The following SLC25A14 variants were observed in gnomAD, a reference collection of about 807,000 sequenced individuals.
The protein encoded by SLC25A14 is solute carrier family 25 member 14.
In SLC25A14, 8 loss-of-function variants were observed where a neutral mutation model predicts 28.1. The observed-to-expected ratio is 0.28, with a 90% confidence interval of 0.17 to 0.51. SLC25A14 has a LOEUF of 0.51. Ranked by LOEUF, SLC25A14 falls within the 20% of genes least tolerant of loss-of-function variation. The pLI, the probability that SLC25A14 is intolerant of heterozygous loss-of-function variation, is 0.97. For synonymous variants in SLC25A14, 74 were observed against 90.6 expected, an observed-to-expected ratio of 0.82 and a Z score of 1.04; for missense variants, 135 against 263.8, an observed-to-expected ratio of 0.51 and a Z score of 3.38.
chrX:130,367,954 T>A (rs1001770879), intron 9 of SLC25A14, among the ~76,000 whole-genome samples: 18 of 112,521 alleles, frequency 1.6e-4, no homozygotes, highest in Non-Finnish European at 1.3e-4. Flanking sequence ...GGCTTATTTT[T>A]GTTTTTAGTA....
intron 7 of SLC25A14, among the ~76,000 whole-genome samples, chrX:130,362,938 A>G (rs1451238547): frequency 8.9e-6 from 1 of 112,195 alleles, no homozygotes; most frequent in Non-Finnish European, 1.9e-5. Context: ...AATTCTGTGA[A>G]TTAAACCTGA....
intron 2 of SLC25A14, among the ~76,000 whole-genome samples, chrX:130,341,973 A>G (rs1192334487): frequency 8.9e-6 from 1 of 112,036 alleles, no homozygotes; most frequent in East Asian, 2.8e-4. Flanking sequence ...TTCCTCTGCA[A>G]TCTTTTATAT....
intron 2 of SLC25A14, among the ~76,000 whole-genome samples, chrX:130,344,386 T>C (rs2033359883): frequency 9.1e-6 from 1 of 109,867 alleles, no homozygotes; most frequent in African/African-American, 3.3e-5. Context: ...AAAAAGAGAG[T>C]AAAGCTGAAA....
In SLC25A14 at chrX:130,343,018, C is replaced by A. The variant is rs185567134; in HGVS notation, c.76-2164C>A. 1.7e-4 allele frequency among the ~76,000 whole-genome samples: 19 copies of A among 111,444 alleles called. No individual in the cohort carries two copies. In the East Asian group the frequency reaches 5.0e-3, roughly 30 times the overall value. On this transcript the variant is annotated intron_variant, in intron 2 of 10. Coordinates refer to ENST00000545805, the MANE Select transcript of SLC25A14 (RefSeq NM_001282195.2). ...CCTGCCATGTCCTCCCTGTTCCTTG[C>A]CTTTCACTGATTCATCATTGCTCCC... is the stretch of plus-strand genomic sequence containing the variant.
chrX:130,347,810 T>C (rs908289976), intron 4 of SLC25A14, among the ~76,000 whole-genome samples: 2 of 111,926 alleles, frequency 1.8e-5, no homozygotes, highest in African/African-American at 6.5e-5. Context: ...TCTGTGGTTT[T>C]CCTTTTTTGT....
At chrX:130,349,186 T>C in intron 4 of SLC25A14, 65 bp from the exon 5 acceptor site, 1 of 669,264 alleles carries the variant, frequency 1.5e-6, no homozygotes, top group Admixed American at 3.1e-5. Context: ...TCCAAATAAG[T>C]AGGCTATCTA....
intron 7 of SLC25A14, among the ~76,000 whole-genome samples, chrX:130,362,048 A>C (rs1307465394): frequency 9.0e-6 from 1 of 111,093 alleles, no homozygotes; most frequent in Non-Finnish European, 1.9e-5. Context: ...TCGGCTAGCC[A>C]GCCATATCAG....
chrX:130,344,922 A>G (rs1272502801), intron 2 of SLC25A14, among the ~76,000 whole-genome samples: 1 of 111,491 alleles, frequency 9.0e-6, no homozygotes, highest in African/African-American at 3.3e-5. Flanking sequence ...ATATAACATT[A>G]AAGAAACTGG....
chrX:130,356,865 C>T (rs1364331350), intron 6 of SLC25A14, among the ~76,000 whole-genome samples: 3 of 111,832 alleles, frequency 2.7e-5, no homozygotes, highest in Non-Finnish European at 5.6e-5. Context: ...CCTTTCCCCA[C>T]CATTCCTTTT....
intron 2 of SLC25A14, among the ~76,000 whole-genome samples, chrX:130,342,172 T>A (rs918783235): frequency 1.8e-5 from 2 of 112,117 alleles, no homozygotes; most frequent in African/African-American, 3.2e-5. Context: ...TTGACCCTCA[T>A]CCTAGTCATT....
In SLC25A14 at chrX:130,373,201, T is replaced by C. The variant is rs2034306039; in HGVS notation, c.*251T>C. The C allele has an allele frequency of 3.0e-6, 1 of 329,433 alleles. No individual in the cohort carries two copies. The highest frequency in any genetic ancestry group is 2.7e-5 in the African/African-American group (1 of 36,515). 27.1% of individuals were successfully genotyped at this position (329,433 alleles called of 1,213,427 possible). ...GATTGGTATCTTCTATGAAGATGGA[T>C]ACTGATGGGTGACATTGAAAACGGC... On this transcript the variant is annotated 3_prime_UTR_variant, in exon 11 of 11. Transcript: ENST00000545805.
At chrX:130,350,760 G>A in intron 6 of SLC25A14, 29 bp downstream of exon 6, 1 of 964,390 alleles carries the variant, frequency 1.0e-6, no homozygotes. Flanking sequence ...GATTTGAAAG[G>A]AGCATAACTT....
intron 6 of SLC25A14, among the ~76,000 whole-genome samples, chrX:130,357,846 G>C (rs1037382212): frequency 1.8e-5 from 2 of 111,761 alleles, no homozygotes; most frequent in African/African-American, 6.5e-5. Context: ...AGCTCTCAAA[G>C]GCCACTTGGC....
At chrX:130,354,253 A>T (rs943679019) in intron 6 of SLC25A14, among the ~76,000 whole-genome samples, 3 of 110,147 alleles carry the variant, frequency 2.7e-5, no homozygotes, top group Non-Finnish European at 5.7e-5. Context: ...AGCTGGGACT[A>T]CAGGCGCCCG....
chrX:130,367,673 C>CT (rs1256487945), intron 9 of SLC25A14, among the ~76,000 whole-genome samples: 1 of 112,088 alleles, frequency 8.9e-6, no homozygotes, highest in Non-Finnish European at 1.9e-5. Context: ...TAATGATTGC[C>CT]TGGGGCAGCA....
intron 7 of SLC25A14, among the ~76,000 whole-genome samples, chrX:130,361,856 T>G (rs1352638963): frequency 8.9e-6 from 1 of 111,757 alleles, no homozygotes; most frequent in African/African-American, 3.3e-5. Context: ...ATATCCTGAT[T>G]TTTACATATT....
intron 7 of SLC25A14, among the ~76,000 whole-genome samples, chrX:130,359,679 T>A (rs2033910302): frequency 9.0e-6 from 1 of 110,963 alleles, no homozygotes; most frequent in African/African-American, 3.3e-5. Context: ...TAAATAAAAA[T>A]GAGAGCTTTG....
At chrX:130,368,761 G>C (rs1469590424) in intron 9 of SLC25A14, among the ~76,000 whole-genome samples, 1 of 112,043 alleles carries the variant, frequency 8.9e-6, no homozygotes, top group African/African-American at 3.2e-5. Flanking sequence ...GAGTAGCTAA[G>C]TAATAACTTA....
At chrX:130,363,578 T>A (rs2034034239) in intron 7 of SLC25A14, among the ~76,000 whole-genome samples, 1 of 112,105 alleles carries the variant, frequency 8.9e-6, no homozygotes, top group Non-Finnish European at 1.9e-5. Flanking sequence ...GTAGAATTGC[T>A]CGCTCATATG....
Sources: gnomAD v4.1 joint callset for allele counts (sites outside exome capture counted in the v4.1 genomes callset) on GRCh38, gnomAD v4.1.1 for gene constraint, MANE v1.5 for transcripts, NCBI Gene and HGNC (gene_info 2026-07-23, HGNC 2026-07-21) for gene names.